Variants in SV2B observed in about 807,000 individuals in gnomAD.
The protein encoded by SV2B is solute carrier family 22 member B2.
In SV2B, 41 loss-of-function variants were observed where a neutral mutation model predicts 73.9. The observed-to-expected ratio is 0.56, with a 90% CI of 0.43 to 0.72. SV2B has a LOEUF of 0.72. Among genes scored for constraint, SV2B ranks in the 30% least tolerant of loss-of-function variants. SV2B has a pLI of 0.00. For synonymous variants in SV2B, 314 were observed against 314.2 expected, an observed-to-expected ratio of 1.00 and a Z score of 0.01; for missense variants, 764 against 857.8, an observed-to-expected ratio of 0.89 and a Z score of 1.37.
intron 1 of SV2B, among the ~76,000 whole-genome samples, chr15:91,171,935 G>T (rs2141282134): frequency 6.6e-6 from 1 of 152,154 alleles, no homozygotes; most frequent in East Asian, 1.9e-4. Flanking sequence ...TCATCCTTCT[G>T]AAACAGCAAT....
At position 91,252,959 on chromosome 15, in the gene SV2B, G is replaced by A. The variant is rs1328147429; in HGVS notation, c.784+439G>A. On this transcript the variant is annotated intron_variant, in intron 4 of 12. Transcript: ENST00000394232. This position sits in a 1 kb window ranked among gnomAD's most constrained non-coding sequence, Gnocchi z 4.6. ...GTCCCTGGCATGTGGTGGAGTGGGG[G>A]CTGGAGTCCTGATGTCCCCTCAGGT... is the stretch of plus-strand genomic sequence containing the variant. Among the ~76,000 whole-genome samples the A allele has an allele frequency of 6.6e-6, 1 of 152,192 alleles. No homozygotes were observed. The highest frequency in any genetic ancestry group is 1.5e-5 in the Non-Finnish European group (1 of 68,034).
intron 1 of SV2B, among the ~76,000 whole-genome samples, chr15:91,180,299 T>C (rs1326647720): frequency 3.3e-5 from 5 of 152,182 alleles, no homozygotes; most frequent in Non-Finnish European, 5.9e-5. Flanking sequence ...GTGGGTAACC[T>C]GACCTTTCTC....
At chr15:91,244,270 C>T (rs2047139850) in intron 2 of SV2B, among the ~76,000 whole-genome samples, 1 of 152,176 alleles carries the variant, frequency 6.6e-6, no homozygotes, top group Non-Finnish European at 1.5e-5. Flanking sequence ...GGCAGGAGAT[C>T]AACAAATGTT....
intron 1 of SV2B, among the ~76,000 whole-genome samples, chr15:91,179,351 GA>G (rs909366607): frequency 9.2e-5 from 14 of 152,100 alleles, no homozygotes; most frequent in African/African-American, 2.9e-4. Flanking sequence ...GTGTGGTGCT[GA>G]AAAAAATATA....
chr15:91,235,884 G>C (rs1411992286), intron 2 of SV2B, among the ~76,000 whole-genome samples: 1 of 152,198 alleles, frequency 6.6e-6, no homozygotes, highest in African/African-American at 2.4e-5. Flanking sequence ...TGGAAAGAGA[G>C]GGAGATGCAG....
rs1200302563 is a variant in SV2B at position 91,265,779 on chromosome 15, A to T, written c.1009-803A>T. 6.6e-6 allele frequency among the ~76,000 whole-genome samples: 1 copy of T among 152,250 alleles called. No individual in the cohort carries two copies. Among genetic ancestry groups the T allele is most frequent in the Non-Finnish European group, 1.5e-5 (1 of 68,046 alleles). On this transcript the variant is annotated intron_variant, in intron 6 of 12. Transcript: ENST00000394232. This position sits in a 1 kb window ranked among gnomAD's most constrained non-coding sequence, Gnocchi z 4.2. ...AGTCCAGGAGGCTCACAGTGTGGTC[A>T]TGTCCTTGACATTTCTGGGAAGAGA...
At position 91,277,509 on chromosome 15, in the gene SV2B, C is replaced by T. The variant is rs186990055; in HGVS notation, c.1374-4219C>T. On this transcript the variant is annotated intron_variant, in intron 9 of 12. Coordinates refer to ENST00000394232, the MANE Select transcript of SV2B (RefSeq NM_001323032.3). ...GGTCAGCCCTTTCTCCATCCCCAGTCCTTGGCAGCCAATGATCTTCTTTAT... is the reference window on the plus strand; with the variant it reads ...GGTCAGCCCTTTCTCCATCCCCAGTTCTTGGCAGCCAATGATCTTCTTTAT... Among the ~76,000 whole-genome samples the T allele has an allele frequency of 1.1e-4, 17 of 152,148 alleles. No individual in the cohort carries two copies. The East Asian group carries it at 2.9e-3, about 26-fold the overall frequency.
intron 9 of SV2B, among the ~76,000 whole-genome samples, chr15:91,275,152 A>G (rs948281289): frequency 6.6e-6 from 1 of 152,144 alleles, no homozygotes; most frequent in East Asian, 1.9e-4. Context: ...TGGTTGAATT[A>G]TAGCCTATCA....
intron 1 of SV2B, among the ~76,000 whole-genome samples, chr15:91,180,612 A>C (rs2044512771): frequency 6.6e-6 from 1 of 151,990 alleles, no homozygotes; most frequent in African/African-American, 2.4e-5. Flanking sequence ...TTTTTTCTCT[A>C]AACTTCCCTT....
rs977178386 is a variant in SV2B, at chr15:91,139,759, T to C, written c.-392+39396T>C. The stretch of plus-strand genomic sequence containing the variant: ...TGACTGTAACAATTATCATCTAAAC[T>C]GAGACACTTTTGAGGATGCAAGGAG... On this transcript the variant is annotated intron_variant, in intron 1 of 12. Transcript: ENST00000394232. This position sits in a 1 kb window ranked among gnomAD's most constrained non-coding sequence, Gnocchi z 5.2. Among the ~76,000 whole-genome samples the C allele has an allele frequency of 1.3e-5, 2 of 152,202 alleles. No individual in the cohort carries two copies. The highest frequency in any genetic ancestry group is 2.9e-5 in the Non-Finnish European group (2 of 68,030).
At chr15:91,273,468 T>A (rs1567421057) in intron 9 of SV2B, among the ~76,000 whole-genome samples, 1 of 152,230 alleles carries the variant, frequency 6.6e-6, no homozygotes, top group Non-Finnish European at 1.5e-5. Context: ...AGTTTGTACT[T>A]TGGCTGCTGA....
rs2048200750 is a variant in SV2B at position 91,268,896 on chromosome 15, C to A, written c.1373+291C>A. 6.6e-6 allele frequency among the ~76,000 whole-genome samples: 1 copy of A among 152,110 alleles called. No homozygotes were observed. Among genetic ancestry groups the A allele is most frequent in the Non-Finnish European group, 1.5e-5 (1 of 68,018 alleles). ...GTTGGGCCATTTTTCCAAGTGATGT[C>A]CCATTAAGAGTGGCTGCCCAGAGAA... is the stretch of plus-strand genomic sequence containing the variant. On this transcript the variant is annotated intron_variant, in intron 9 of 12. Transcript: ENST00000394232. This position sits in a 1 kb window ranked among gnomAD's most constrained non-coding sequence, Gnocchi z 4.4.
intron 1 of SV2B, among the ~76,000 whole-genome samples, chr15:91,207,897 C>T (rs577445456): frequency 5.9e-5 from 9 of 152,254 alleles, no homozygotes; most frequent in Admixed American, 1.3e-4. Flanking sequence ...GGATACCTGT[C>T]ACAGGAGGGC....
rs1288982917 is a variant in SV2B, at chr15:91,129,048, G to A, written c.-392+28685G>A. Among the ~76,000 whole-genome samples the A allele has an allele frequency of 6.6e-6, 1 of 152,186 alleles. No homozygotes were observed. The highest frequency in any genetic ancestry group is 1.5e-5 in the Non-Finnish European group (1 of 68,034). On this transcript the variant is annotated intron_variant, in intron 1 of 12. Coordinates refer to ENST00000394232, the MANE Select transcript of SV2B (RefSeq NM_001323032.3). This position sits in a 1 kb window ranked among gnomAD's most constrained non-coding sequence, Gnocchi z 5.1. ...GTTGATTTTTTGGTGAAACTTCAGA[G>A]GGCCAGGGAGCCCTTGGCCCCTACA...
chr15:91,180,504 C>T (rs2044508172), intron 1 of SV2B, among the ~76,000 whole-genome samples: 1 of 152,154 alleles, frequency 6.6e-6, no homozygotes, highest in Non-Finnish European at 1.5e-5. Flanking sequence ...AACTTGGTTC[C>T]ATTCTCCCCG....
intron 4 of SV2B, among the ~76,000 whole-genome samples, chr15:91,255,590 A>G (rs938056876): frequency 8.5e-5 from 13 of 152,176 alleles, no homozygotes; most frequent in Non-Finnish European, 1.8e-4. Context: ...ATGTAACCAA[A>G]CACCACCTGT....
intron 1 of SV2B, among the ~76,000 whole-genome samples, chr15:91,179,244 T>A (rs1006652323): frequency 6.6e-6 from 1 of 152,220 alleles, no homozygotes; most frequent in Non-Finnish European, 1.5e-5. Flanking sequence ...TTGATTGCAC[T>A]GTGGTCTGAG....
chr15:91,235,607 G>A (rs2046750587), intron 2 of SV2B, among the ~76,000 whole-genome samples: 1 of 152,136 alleles, frequency 6.6e-6, no homozygotes, highest in African/African-American at 2.4e-5. Context: ...ATTTTATCAT[G>A]TGAGATACAG....
chr15:91,207,520 T>C (rs112405032), intron 1 of SV2B, among the ~76,000 whole-genome samples: 4,835 of 152,178 alleles, frequency 0.032, 210 homozygotes, highest in East Asian at 0.12. Flanking sequence ...ATACCAAGGG[T>C]CAATTTATCG....
Sources: gnomAD v4.1 joint callset for allele counts (sites outside exome capture counted in the v4.1 genomes callset) on GRCh38, gnomAD v4.1.1 for gene constraint, Gnocchi (gnomAD v3.1) non-coding constraint, MANE v1.5 for transcripts, NCBI Gene and HGNC (gene_info 2026-07-23, HGNC 2026-07-21) for gene names.